Variants in KCNJ3 observed in about 807,000 individuals in gnomAD.
KCNJ3 encodes the protein G protein-activated inward rectifier potassium channel 1.
In KCNJ3, 4 loss-of-function variants were observed where a neutral mutation model predicts 39.2. The observed-to-expected ratio is 0.10, with a 90% CI of 0.05 to 0.23. The LOEUF is 0.23. KCNJ3 is among the 10% of genes least tolerant of loss of function. KCNJ3 has a pLI of 1.00. For synonymous variants in KCNJ3, 230 were observed against 237.4 expected, an observed-to-expected ratio of 0.97 and a Z score of 0.29; for missense variants, 276 against 634.9, an observed-to-expected ratio of 0.43 and a Z score of 6.08.
intron 2 of KCNJ3, among the ~76,000 whole-genome samples, chr2:154,804,439 T>A (rs1686874892): frequency 1.3e-5 from 2 of 152,160 alleles, no homozygotes; most frequent in Non-Finnish European, 2.9e-5. Flanking sequence ...TGCCAGCATT[T>A]GCAAAATTTC....
intron 2 of KCNJ3, among the ~76,000 whole-genome samples, chr2:154,767,341 C>T (rs1482434929): frequency 1.3e-5 from 2 of 152,032 alleles, no homozygotes; most frequent in East Asian, 1.9e-4. Flanking sequence ...CCCACTCCCC[C>T]CACCCCATGA....
At chr2:154,703,943 G>A (rs954039694) in intron 1 of KCNJ3, among the ~76,000 whole-genome samples, 1 of 152,074 alleles carries the variant, frequency 6.6e-6, no homozygotes, top group Non-Finnish European at 1.5e-5. Flanking sequence ...GTCTAAAGCT[G>A]AGTACCTCAG....
chr2:154,833,538 C>T (rs1036630216), intron 2 of KCNJ3, among the ~76,000 whole-genome samples: 2 of 152,148 alleles, frequency 1.3e-5, no homozygotes, highest in African/African-American at 4.8e-5. Context: ...ACCACACTGA[C>T]ACATCATTAT....
At chr2:154,769,302 A>T (rs998783970) in intron 2 of KCNJ3, among the ~76,000 whole-genome samples, 4 of 152,178 alleles carry the variant, frequency 2.6e-5, no homozygotes, top group Non-Finnish European at 4.4e-5. Context: ...TTGCCCATTC[A>T]GTATGATATT....
At chr2:154,765,579 C>T (rs1686120054) in intron 2 of KCNJ3, among the ~76,000 whole-genome samples, 1 of 152,148 alleles carries the variant, frequency 6.6e-6, no homozygotes, top group Non-Finnish European at 1.5e-5. Flanking sequence ...ATTCCTACTA[C>T]ATAAAACTAG....
chr2:154,854,661 G>A, intron 2 of KCNJ3, 66 bp from the exon 3 acceptor site: 1 of 1,208,574 alleles, frequency 8.3e-7, no homozygotes, highest in Non-Finnish European at 1.2e-6. Flanking sequence ...AATTATTTAG[G>A]CCAAACCGGC....
intron 1 of KCNJ3, among the ~76,000 whole-genome samples, chr2:154,704,179 T>G (rs530848875): frequency 6.6e-6 from 1 of 152,224 alleles, no homozygotes; most frequent in East Asian, 1.9e-4. Context: ...TTTTTAATAT[T>G]ATTCCTGAAA....
intron 2 of KCNJ3, among the ~76,000 whole-genome samples, chr2:154,757,368 C>G (rs566896789): frequency 2.6e-5 from 4 of 152,112 alleles, no homozygotes; most frequent in African/African-American, 9.6e-5. Context: ...AAGCTGTTCC[C>G]TTATCAGAAC....
At chr2:154,767,186 C>CG (rs1558868771) in intron 2 of KCNJ3, among the ~76,000 whole-genome samples, 1 of 148,778 alleles carries the variant, frequency 6.7e-6, no homozygotes, top group African/African-American at 2.5e-5. Context: ...CATTCTTTAC[C>CG]TTTTTTTTTA....
chr2:154,817,853 T>A (rs1417983401), intron 2 of KCNJ3, among the ~76,000 whole-genome samples: 1 of 152,188 alleles, frequency 6.6e-6, no homozygotes, highest in Non-Finnish European at 1.5e-5. Flanking sequence ...GTACCTTGTA[T>A]AAAACCCACA....
intron 2 of KCNJ3, among the ~76,000 whole-genome samples, chr2:154,791,220 T>G (rs138251856): frequency 2.0e-5 from 3 of 152,006 alleles, no homozygotes; most frequent in African/African-American, 7.2e-5. Flanking sequence ...AATTGCTTAT[T>G]AATTAATTTC....
intron 2 of KCNJ3, among the ~76,000 whole-genome samples, chr2:154,754,752 T>C (rs1402240502): frequency 1.3e-5 from 2 of 152,308 alleles, no homozygotes; most frequent in African/African-American, 4.8e-5. Context: ...CTCATGAGGT[T>C]ATACAGGCCT....
intron 2 of KCNJ3, among the ~76,000 whole-genome samples, chr2:154,728,759 C>T (rs930503930): frequency 1.3e-5 from 2 of 152,054 alleles, no homozygotes; most frequent in African/African-American, 4.8e-5. Context: ...TTTCTATATG[C>T]CATGTAGTAT....
At chr2:154,825,656 G>C (rs536941504) in intron 2 of KCNJ3, among the ~76,000 whole-genome samples, 1 of 151,652 alleles carries the variant, frequency 6.6e-6, no homozygotes, top group African/African-American at 2.4e-5. Flanking sequence ...GCTTACTGCA[G>C]CCTTGACCTC....
chr2:154,837,748 A>G (rs889998654), intron 2 of KCNJ3, among the ~76,000 whole-genome samples: 8 of 152,198 alleles, frequency 5.3e-5, no homozygotes, highest in Admixed American at 2.6e-4. Context: ...CTGTAACTGC[A>G]GTGAATTATA....
chr2:154,702,512 C>A (rs937371605), intron 1 of KCNJ3, among the ~76,000 whole-genome samples: 1 of 151,864 alleles, frequency 6.6e-6, no homozygotes, highest in Admixed American at 6.6e-5. Flanking sequence ...AAATGCCTAA[C>A]TTTTGATGGA....
intron 2 of KCNJ3, among the ~76,000 whole-genome samples, chr2:154,795,696 T>C (rs1686709351): frequency 6.6e-6 from 1 of 152,106 alleles, no homozygotes; most frequent in African/African-American, 2.4e-5. Flanking sequence ...AAATAAATTA[T>C]GCGTATTTTT....
chr2:154,702,841 T>A (rs1358534753), intron 1 of KCNJ3, among the ~76,000 whole-genome samples: 1 of 151,980 alleles, frequency 6.6e-6, no homozygotes, highest in African/African-American at 2.4e-5. Context: ...CATATTGAAT[T>A]TTTACTTGAA....
Position 154,855,486 on chromosome 2 carries a change from C to A in KCNJ3, c.*173C>A. 1.8e-6 allele frequency: 1 copy of A among 563,316 alleles called. No homozygotes were observed. The highest frequency in any genetic ancestry group is 2.6e-5 in the South Asian group (1 of 37,998). The allele number at this position is 563,316 out of a possible 1,614,324, so 34.9% of individuals were successfully genotyped here. A position where few individuals can be genotyped will look rare whatever the true frequency, so the allele number is the denominator to read the frequency against. ...GCGAATGTGCAGAAAGCAACAGTTA[C>A]GGAGGGAGGACATCATAAGGAAGTT... On this transcript the variant is annotated 3_prime_UTR_variant, in exon 3 of 3. Coordinates refer to ENST00000295101, the MANE Select transcript of KCNJ3 (RefSeq NM_002239.4).
Sources: allele counts gnomAD v4.1 joint callset (sites outside exome capture counted in the v4.1 genomes callset), GRCh38; gene constraint gnomAD v4.1.1; transcripts MANE v1.5; gene names NCBI Gene and HGNC (gene_info 2026-07-23, HGNC 2026-07-21).